LHFPL6: variants seen among roughly 807,000 people sequenced by gnomAD.
LHFPL6 encodes LHFPL tetraspan subfamily member 6 protein.
A neutral mutation model predicts 20.6 loss-of-function variants in LHFPL6; 9 were observed. The observed-to-expected ratio is 0.44, with a 90% CI of 0.26 to 0.76. The LOEUF (loss-of-function observed/expected upper bound fraction) is 0.76. Ranked by LOEUF, LHFPL6 falls within the 30% of genes least tolerant of loss-of-function variation. LHFPL6 has a pLI of 0.20. For missense variants in LHFPL6, 218 were observed against 253.5 expected (o/e 0.86, Z 0.95); for synonymous variants, 105 against 98.7 (o/e 1.06, Z -0.38).
intron 2 of LHFPL6, among the ~76,000 whole-genome samples, chr13:39,474,157 T>C (rs1873020570): frequency 6.6e-6 from 1 of 152,246 alleles, no homozygotes; most frequent in Non-Finnish European, 1.5e-5. Context: ...GCCTTTTTTA[T>C]GACCCTGTAT....
In LHFPL6 at chr13:39,570,373, G is replaced by A. The variant is rs898472453; in HGVS notation, c.385+30459C>T. ...TTGGCCAGGTTGGTCTCAAACTCCT[G>A]GGCTCAAGCATCTTCCAGCCTTGCT... On this transcript the variant is annotated intron_variant, in intron 2 of 3. Coordinates refer to ENST00000379589, the MANE Select transcript of LHFPL6 (RefSeq NM_005780.3). Among the ~76,000 whole-genome samples the A allele has an allele frequency of 3.9e-5, 6 of 152,184 alleles. No homozygotes were observed. In the South Asian group the frequency reaches 1.2e-3, roughly 32 times the overall value.
intron 2 of LHFPL6, among the ~76,000 whole-genome samples, chr13:39,579,402 T>C (rs1872212907): frequency 6.6e-6 from 1 of 152,184 alleles, no homozygotes; most frequent in African/African-American, 2.4e-5. Flanking sequence ...ACATGACTCT[T>C]GTAACAGCAT....
chr13:39,446,550 A>T (rs1593316032), intron 2 of LHFPL6, among the ~76,000 whole-genome samples: 1 of 152,178 alleles, frequency 6.6e-6, no homozygotes. Flanking sequence ...GCCAGGGTAA[A>T]CAAAGATCGT....
intron 2 of LHFPL6, among the ~76,000 whole-genome samples, chr13:39,563,319 C>A (rs1350737726): frequency 6.6e-6 from 1 of 152,040 alleles, no homozygotes. Context: ...ATGGATCAAA[C>A]AAGAAAACCC....
At chr13:39,410,091 T>C (rs9532376) in intron 2 of LHFPL6, among the ~76,000 whole-genome samples, 10,922 of 152,308 alleles carry the variant, frequency 0.072, 461 homozygotes, top group Non-Finnish European at 0.1. Flanking sequence ...TTGTAAATCA[T>C]GTGTTAAAAT....
At chr13:39,560,504 C>CTTT (rs376446144) in intron 2 of LHFPL6, among the ~76,000 whole-genome samples, 35,085 of 117,846 alleles carry the variant, frequency 0.3, 5,254 homozygotes, top group Middle Eastern at 0.41. Flanking sequence ...TGCAAATTCT[C>CTTT]TTTTTTTTTT....
chr13:39,443,697 A>G (rs1034127610), intron 2 of LHFPL6, among the ~76,000 whole-genome samples: 1 of 152,058 alleles, frequency 6.6e-6, no homozygotes, highest in Non-Finnish European at 1.5e-5. Context: ...AGACAGACAT[A>G]AGAAGCAAGA....
rs111870039 is a variant in LHFPL6, at chr13:39,545,930, A to G, written c.385+54902T>C. Among the ~76,000 whole-genome samples the G allele has an allele frequency of 2.6e-4, 39 of 152,198 alleles. 2 individuals carry two copies. Among genetic ancestry groups the G allele is most frequent in the African/African-American group, 9.4e-4 (39 of 41,476 alleles). On this transcript the variant is annotated intron_variant, in intron 2 of 3. Transcript: ENST00000379589. ...TGCAAACAAACAAATGAATTAATTA[A>G]ATTAAAACTGTATTATTTTTATTGT...
intron 2 of LHFPL6, among the ~76,000 whole-genome samples, chr13:39,536,164 G>A (rs1870611818): frequency 6.6e-6 from 1 of 152,114 alleles, no homozygotes; most frequent in Non-Finnish European, 1.5e-5. Context: ...TTCCTATAGA[G>A]CAAGTTCTAA....
intron 2 of LHFPL6, among the ~76,000 whole-genome samples, chr13:39,498,753 T>A (rs1455139117): frequency 1.3e-5 from 2 of 152,224 alleles, no homozygotes; most frequent in African/African-American, 4.8e-5. Context: ...AAGTCCATAG[T>A]TCTACCTCTC....
chr13:39,590,407 A>G (rs1288854131), intron 2 of LHFPL6, among the ~76,000 whole-genome samples: 1 of 152,186 alleles, frequency 6.6e-6, no homozygotes, highest in Non-Finnish European at 1.5e-5. Context: ...ACTTGTCCCT[A>G]AAACTTGTTT....
At chr13:39,588,487 G>A (rs1330560585) in intron 2 of LHFPL6, among the ~76,000 whole-genome samples, 1 of 152,212 alleles carries the variant, frequency 6.6e-6, no homozygotes, top group Non-Finnish European at 1.5e-5. Flanking sequence ...GTGAAACAAA[G>A]TGTTAAATAA....
At chr13:39,528,685 T>A (rs1566133800) in intron 2 of LHFPL6, among the ~76,000 whole-genome samples, 1 of 152,218 alleles carries the variant, frequency 6.6e-6, no homozygotes, top group Non-Finnish European at 1.5e-5. Context: ...ATAGAATTTA[T>A]GAGTTGCTTC....
intron 2 of LHFPL6, among the ~76,000 whole-genome samples, chr13:39,576,787 T>A (rs935777053): frequency 1.4e-5 from 2 of 147,862 alleles, no homozygotes; most frequent in African/African-American, 4.9e-5. Context: ...GCATGCACCA[T>A]CATGCCCAGC....
intron 2 of LHFPL6, among the ~76,000 whole-genome samples, chr13:39,466,415 T>C (rs1320586010): frequency 6.6e-6 from 1 of 152,200 alleles, no homozygotes; most frequent in African/African-American, 2.4e-5. Flanking sequence ...GACTGCTGCA[T>C]GTTGTGAGAA....
At chr13:39,452,847 C>T (rs1254452483) in intron 2 of LHFPL6, among the ~76,000 whole-genome samples, 1 of 152,168 alleles carries the variant, frequency 6.6e-6, no homozygotes, top group Non-Finnish European at 1.5e-5. Flanking sequence ...GTCTTTTTCC[C>T]TTTATAATGC....
chr13:39,470,986 A>C (rs936034842), intron 2 of LHFPL6, among the ~76,000 whole-genome samples: 2 of 152,204 alleles, frequency 1.3e-5, no homozygotes, highest in Non-Finnish European at 2.9e-5. Flanking sequence ...TCTTCTAGGC[A>C]CCATGAACTA....
At chr13:39,485,892 A>G (rs1190647359) in intron 2 of LHFPL6, among the ~76,000 whole-genome samples, 1 of 152,148 alleles carries the variant, frequency 6.6e-6, no homozygotes, top group Non-Finnish European at 1.5e-5. Flanking sequence ...ATGGGTATTA[A>G]CTGATCTTTT....
In LHFPL6 at chr13:39,534,517, T is replaced by G. The variant is rs1369594607; in HGVS notation, c.385+66315A>C. Among the ~76,000 whole-genome samples, 4 of 152,344 alleles carry G rather than the reference T, an allele frequency of 2.6e-5. No individual in the cohort carries two copies. The East Asian group carries it at 7.7e-4, about 29-fold the overall frequency. The stretch of plus-strand genomic sequence containing the variant: ...CAAAATAGCTGTGTAAGTGTTAATA[T>G]TCCCAAATCTCAAAATATATTGTAA... On this transcript the variant is annotated intron_variant, in intron 2 of 3. Coordinates refer to ENST00000379589, the MANE Select transcript of LHFPL6 (RefSeq NM_005780.3).
Sources: allele counts gnomAD v4.1 joint callset (sites outside exome capture counted in the v4.1 genomes callset), GRCh38; gene constraint gnomAD v4.1.1; transcripts MANE v1.5; gene names NCBI Gene and HGNC (gene_info 2026-07-23, HGNC 2026-07-21).